Variants in RYR3 observed in about 807,000 individuals in gnomAD.
RYR3 encodes ryanodine receptor 3.
RYR3 carries 207 observed loss-of-function variants against 584.3 expected under a neutral mutation model. The observed-to-expected ratio is 0.35, with a 90% CI of 0.32 to 0.40. The LOEUF (loss-of-function observed/expected upper bound fraction) is 0.40. RYR3 is among the 10% of genes least tolerant of loss of function. RYR3 has a pLI of 1.00. For missense variants in RYR3, 5,616 were observed against 6,089.2 expected (o/e 0.92, Z 2.59); for synonymous variants, 2,416 against 2,248.5 (o/e 1.07, Z -2.11).
At chr15:33,643,265 T>C (rs2061931310) in intron 27 of RYR3, among the ~76,000 whole-genome samples, 1 of 152,184 alleles carries the variant, frequency 6.6e-6, no homozygotes, top group Non-Finnish European at 1.5e-5. Context: ...AGGCGCTCTC[T>C]GCAGCCTCCA....
intron 10 of RYR3, 146 bp from the exon 11 acceptor site, chr15:33,562,690 GA>G (rs1400587248): frequency 1.0e-5 from 6 of 591,720 alleles, no homozygotes. Flanking sequence ...AAGTCTTTCT[GA>G]AATCCTGGCT....
At chr15:33,807,154 ACT>A (rs2152939236) in intron 69 of RYR3, among the ~76,000 whole-genome samples, 1 of 151,878 alleles carries the variant, frequency 6.6e-6, no homozygotes, top group South Asian at 2.1e-4. Context: ...AAGAAAGAAA[ACT>A]CTGCTCTTTG....
intron 67 of RYR3, among the ~76,000 whole-genome samples, chr15:33,789,627 TATATATA>T (rs2074976975): frequency 2.2e-4 from 2 of 9,246 alleles, no homozygotes; most frequent in African/African-American, 6.3e-4. Context: ...TTTTATTTTA[TATATATA>T]TATATATATA....
chr15:33,569,208 ATACT>A (rs1353885807), intron 12 of RYR3, among the ~76,000 whole-genome samples: 3 of 152,216 alleles, frequency 2.0e-5, no homozygotes, highest in Admixed American at 6.5e-5. Context: ...TCTTGGGTAA[ATACT>A]TAGGAGTGAA....
At position 33,819,671 on chromosome 15, in the gene RYR3, C is replaced by G. The variant is rs1479377182; in HGVS notation, c.10707-85C>G. ...CCTAGGGGACAAGAGAAAACTCTGT[C>G]TCAAAAATAAATAAATAAATAAATA... On this transcript the variant is annotated intron_variant, in intron 76 of 103. Coordinates refer to ENST00000634891, the MANE Select transcript of RYR3 (RefSeq NM_001036.6). The G allele has an allele frequency of 1.7e-4, 95 of 558,204 alleles. No homozygotes were observed. In the South Asian group the frequency reaches 4.4e-3, roughly 26 times the overall value. The allele number at this position is 558,204 out of a possible 1,614,324, so 34.6% of individuals were successfully genotyped here.
chr15:33,612,522 G>A (rs376889423), intron 18 of RYR3, among the ~76,000 whole-genome samples: 10 of 152,136 alleles, frequency 6.6e-5, no homozygotes, highest in South Asian at 2.1e-4. Flanking sequence ...CACCACACCC[G>A]GCTACTTTTG....
intron 1 of RYR3, among the ~76,000 whole-genome samples, chr15:33,455,574 T>C (rs577496022): frequency 3.3e-5 from 5 of 152,108 alleles, no homozygotes; most frequent in African/African-American, 1.2e-4. Flanking sequence ...GCCACATAGG[T>C]CAAGTAAGAC....
At chr15:33,320,923 A>G (rs1968879059) in intron 1 of RYR3, among the ~76,000 whole-genome samples, 1 of 152,236 alleles carries the variant, frequency 6.6e-6, no homozygotes, top group Non-Finnish European at 1.5e-5. Flanking sequence ...ATTATTCCAT[A>G]GTCTTGATTC....
At chr15:33,522,404 C>G (rs2140975901) in intron 3 of RYR3, among the ~76,000 whole-genome samples, 1 of 152,296 alleles carries the variant, frequency 6.6e-6, no homozygotes, top group East Asian at 1.9e-4. Flanking sequence ...GGTCCAGGCC[C>G]ACTTGGAAGA....
Position 33,662,598 on chromosome 15 carries a change from A to G in RYR3, c.5068A>G (p.Ser1690Gly), listed in dbSNP as rs1351307560. The G allele has an allele frequency of 6.2e-7, 1 of 1,613,818 alleles. No individual in the cohort carries two copies. The highest frequency in any genetic ancestry group is 8.5e-7 in the Non-Finnish European group (1 of 1,179,896). The change falls in exon 35 of 104, where the codon AGT (serine) becomes GGT (glycine). Residue 1690 changes from serine (S) to glycine (G), a missense_variant. By Grantham distance (56) the Ser-to-Gly change is moderately conservative. Coordinates refer to ENST00000634891, the MANE Select transcript of RYR3 (RefSeq NM_001036.6). ...QKQSPEIPLE[S>G]LRTKALSMLT... ...GCAGAGCCCCGAGATTCCCTTGGAG[A>G]GTCTCAGGACGAAGGCTCTGAGTAT...
intron 30 of RYR3, among the ~76,000 whole-genome samples, chr15:33,648,464 A>T (rs1295876406): frequency 6.6e-6 from 1 of 152,174 alleles, no homozygotes; most frequent in East Asian, 1.9e-4. Flanking sequence ...AACCCCATGG[A>T]TTGTATGAGC....
At chr15:33,809,153 C>G (rs1199164153) in intron 70 of RYR3, among the ~76,000 whole-genome samples, 1 of 152,202 alleles carries the variant, frequency 6.6e-6, no homozygotes, top group Non-Finnish European at 1.5e-5. Flanking sequence ...CTTCCAAAAG[C>G]CTTTTCCCAT....
At chr15:33,596,593 A>G (rs1404300498) in intron 16 of RYR3, among the ~76,000 whole-genome samples, 3 of 152,130 alleles carry the variant, frequency 2.0e-5, no homozygotes, top group African/African-American at 7.2e-5. Flanking sequence ...GTTGTGATAC[A>G]TATAATATAC....
At chr15:33,780,097 G>A in intron 64 of RYR3, 114 bp from the exon 65 acceptor site, 1 of 1,240,108 alleles carries the variant, frequency 8.1e-7, no homozygotes, top group Non-Finnish European at 1.1e-6. Context: ...CAAGCTTGCT[G>A]AGCCTAGTGC....
Position 33,756,224 on chromosome 15 carries a change from A to G in RYR3, c.8516-82A>G. 1.3e-5 allele frequency: 12 copies of G among 929,852 alleles called. No homozygotes were observed. The South Asian group carries it at 1.7e-4, about 13-fold the overall frequency. The allele number at this position is 929,852 out of a possible 1,614,324, so 57.6% of individuals were successfully genotyped here. A position where few individuals can be genotyped will look rare whatever the true frequency, so the allele number is the denominator to read the frequency against. The stretch of plus-strand genomic sequence containing the variant: ...ATAGCCTTTTTAAATAGCCTTTAGA[A>G]AAGCTGCTCTGTTTCTAAAATGTTG... On this transcript the variant is annotated intron_variant, in intron 58 of 103. Coordinates refer to ENST00000634891, the MANE Select transcript of RYR3 (RefSeq NM_001036.6).
chr15:33,861,012 A>G (rs1567356321), intron 101 of RYR3, 66 bp from the exon 102 acceptor site: 6 of 1,208,240 alleles, frequency 5.0e-6, no homozygotes, highest in African/African-American at 1.5e-5. Context: ...CGATAGAATC[A>G]TGACAGTTTT....
intron 93 of RYR3, among the ~76,000 whole-genome samples, chr15:33,845,750 C>CA (rs1269935691): frequency 6.6e-6 from 1 of 152,160 alleles, no homozygotes; most frequent in African/African-American, 2.4e-5. Context: ...GAATTGATGT[C>CA]AAAATTTTTA....
chr15:33,435,841 A>G (rs2045669804), intron 1 of RYR3, among the ~76,000 whole-genome samples: 1 of 152,234 alleles, frequency 6.6e-6, no homozygotes, highest in Non-Finnish European at 1.5e-5. Context: ...GAGCTACAGA[A>G]CAAAGCTTCC....
In RYR3 at chr15:33,712,722, C is replaced by G. The variant is rs528182724; in HGVS notation, c.6619+5668C>G. On this transcript the variant is annotated intron_variant, in intron 43 of 103. Coordinates refer to ENST00000634891, the MANE Select transcript of RYR3 (RefSeq NM_001036.6). ...ATACTTAGGAGGAGGAATAGTGGCTCAATCACAACAGAATGTTACAGAAGA... is the reference window on the plus strand; with the variant it reads ...ATACTTAGGAGGAGGAATAGTGGCTGAATCACAACAGAATGTTACAGAAGA... 1.2e-4 allele frequency among the ~76,000 whole-genome samples: 18 copies of G among 152,252 alleles called. 1 individual carries two copies. The South Asian group carries it at 3.1e-3, about 26-fold the overall frequency.
Sources: gnomAD v4.1 joint callset for allele counts (sites outside exome capture counted in the v4.1 genomes callset) on GRCh38, gnomAD v4.1.1 for gene constraint, MANE v1.5 for transcripts, NCBI Gene and HGNC (gene_info 2026-07-23, HGNC 2026-07-21) for gene names.